RCVRN: variants seen among roughly 807,000 people sequenced by gnomAD.
RCVRN encodes cancer associated retinopathy antigen.
A neutral mutation model predicts 20.4 loss-of-function variants in RCVRN; 23 were observed. That is an observed-to-expected ratio of 1.13 (90% CI 0.81 to 1.60). RCVRN has a LOEUF of 1.60. Among genes scored for constraint, RCVRN ranks in the 40% most tolerant of loss-of-function variants. RCVRN has a pLI of 0.00. For synonymous variants in RCVRN, 105 were observed against 105.9 expected, an observed-to-expected ratio of 0.99 and a Z score of 0.05; for missense variants, 254 against 254.2, an observed-to-expected ratio of 1.00 and a Z score of 0.00.
In RCVRN at chr17:9,901,080, A is replaced by G. The variant is rs1597415192; in HGVS notation, c.402T>C (p.Thr134=). ...EIVMAIFKMI[T]PEDVKLLPDD... is the part of the protein sequence containing the mutation. ...CTGGAAGGAGCTTCACGTCCTCGGG[A>G]GTGATCATTTTGAAAATAGCCTGTA... Residue 134 remains threonine (T), a synonymous_variant, in exon 2 of 3, where the codon ACT becomes ACC. Coordinates refer to ENST00000226193, the MANE Select transcript of RCVRN (RefSeq NM_002903.3). 1 of 1,604,252 alleles carries G rather than the reference A, an allele frequency of 6.2e-7. No homozygotes were observed. The highest frequency in any genetic ancestry group is 8.5e-7 in the Non-Finnish European group (1 of 1,172,452).
At chr17:9,902,446 T>C (rs555228683) in intron 1 of RCVRN, among the ~76,000 whole-genome samples, 11 of 152,120 alleles carry the variant, frequency 7.2e-5, no homozygotes, top group Non-Finnish European at 1.6e-4. Context: ...ATCATGCAAA[T>C]GAAAGCATGA....
At chr17:9,902,737 C>T (rs7222261) in intron 1 of RCVRN, among the ~76,000 whole-genome samples, 17,385 of 152,204 alleles carry the variant, frequency 0.11, 1,982 homozygotes, top group African/African-American at 0.27. Flanking sequence ...GAAGCTCACG[C>T]CTGTAATCCC....
At chr17:9,900,557 C>G (rs1342296068) in intron 2 of RCVRN, among the ~76,000 whole-genome samples, 10 of 151,780 alleles carry the variant, frequency 6.6e-5, no homozygotes, top group Admixed American at 6.6e-4. Flanking sequence ...GCTTGGCAGT[C>G]TGATAGCTTT....
Position 9,905,133 on chromosome 17 carries a change from C to A in RCVRN, c.48G>T (p.Glu16Asp). The A allele has an allele frequency of 2.5e-6, 4 of 1,610,880 alleles. No individual in the cohort carries two copies. The highest frequency in any genetic ancestry group is 3.4e-6 in the Non-Finnish European group (4 of 1,178,824). The stretch of plus-strand genomic sequence containing the variant: ...CCGAGAACTTGGTGTTCAGCTGCAG[C>A]TCCTCCAGGATCTCCTTGGACAGGG... ...SGALSKEILE[E>D]LQLNTKFSEE... Residue 16 changes from glutamate to aspartate, a missense_variant, in exon 1 of 3, where the codon GAG (glutamate) becomes GAT (aspartate). Transcript: ENST00000226193.
Position 9,899,818 on chromosome 17 carries a change from C to T in RCVRN, c.493+1171G>A, listed in dbSNP as rs780772514. ...TCCTCCTACCCCAATGACCTTCATG[C>T]TTCTCTTATTTCATCATTTGTTGGC... On this transcript the variant is annotated intron_variant, in intron 2 of 2. Coordinates refer to ENST00000226193, the MANE Select transcript of RCVRN (RefSeq NM_002903.3). This position sits in a 1 kb window ranked among gnomAD's most constrained non-coding sequence, Gnocchi z 4.6. Among the ~76,000 whole-genome samples the T allele has an allele frequency of 3.9e-5, 6 of 152,164 alleles. No homozygotes were observed. Among genetic ancestry groups the T allele is most frequent in the Non-Finnish European group, 7.3e-5 (5 of 68,028 alleles).
chr17:9,904,890 C>G lies in RCVRN; in HGVS notation c.291G>C (p.Lys97Asn). The G allele has an allele frequency of 6.2e-7, 1 of 1,614,250 alleles. No individual in the cohort carries two copies. Among genetic ancestry groups the G allele is most frequent in the Non-Finnish European group, 8.5e-7 (1 of 1,180,044 alleles). ...VIALHMTTAG[K>N]TNQKLEWAFS... is the part of the protein sequence containing the mutation. ...AGGCCCACTCCAGCTTCTGGTTGGT[C>G]TTGCCCGCGGTGGTCATGTGCAGGG... Residue 97 changes from lysine to asparagine, a missense_variant, in exon 1 of 3, where the codon AAG becomes AAC. Physicochemically the swap from Lys to Asn is moderately conservative, Grantham distance 94. Coordinates refer to ENST00000226193, the MANE Select transcript of RCVRN (RefSeq NM_002903.3). The surrounding 1 kb of genome is among the most constrained non-coding windows in gnomAD (Gnocchi z 5.8).
chr17:9,903,475 C>G (rs116745160), intron 1 of RCVRN, among the ~76,000 whole-genome samples: 3 of 152,130 alleles, frequency 2.0e-5, no homozygotes, highest in Non-Finnish European at 2.9e-5. Flanking sequence ...ATCCGCCCCG[C>G]GCTGGGGAGA....
rs751720995 is a variant in RCVRN, at chr17:9,899,467, G to T, written c.494-1263C>A. On this transcript the variant is annotated intron_variant, in intron 2 of 2. Coordinates refer to ENST00000226193, the MANE Select transcript of RCVRN (RefSeq NM_002903.3). This position sits in a 1 kb window ranked among gnomAD's most constrained non-coding sequence, Gnocchi z 4.6. ...ACACGTCGACCTCGGGGCTTCTGAC[G>T]TCATCCCCTCCCGGGATGTTCACCA... is the stretch of plus-strand genomic sequence containing the variant. Among the ~76,000 whole-genome samples the T allele has an allele frequency of 2.0e-5, 3 of 152,224 alleles. No homozygotes were observed. The highest frequency in any genetic ancestry group is 4.4e-5 in the Non-Finnish European group (3 of 68,040).
chr17:9,904,950 G>A lies in RCVRN; in HGVS notation c.231C>T (p.Leu77=). ...ACTCCTTGAAGTCCAGGGTGCCGTCGAGGTTGGAATCGAAGCTGCGGAACA... is the reference window on the plus strand; with the variant it reads ...ACTCCTTGAAGTCCAGGGTGCCGTCAAGGTTGGAATCGAAGCTGCGGAACA... ...QHVFRSFDSN[L]DGTLDFKEYV... Residue 77 remains leucine, a synonymous_variant, in exon 1 of 3, where the codon CTC becomes CTT. Transcript: ENST00000226193. This position sits in a 1 kb window ranked among gnomAD's most constrained non-coding sequence, Gnocchi z 5.8. The A allele has an allele frequency of 2.5e-6, 4 of 1,614,218 alleles. No individual in the cohort carries two copies. Among genetic ancestry groups the A allele is most frequent in the Non-Finnish European group, 3.4e-6 (4 of 1,180,032 alleles).
chr17:9,900,976 A>T lies in RCVRN; in HGVS notation c.493+13T>A. ...GTTGAAAAATCAAAGGCAATGAAGG[A>T]AAAGGAATTCACCATCATCATTCTT... On this transcript the variant is annotated intron_variant, in intron 2 of 2. Transcript: ENST00000226193. The T allele has an allele frequency of 6.7e-7, 1 of 1,497,292 alleles. No homozygotes were observed. Among genetic ancestry groups the T allele is most frequent in the South Asian group, 1.2e-5 (1 of 86,044 alleles). The allele number at this position is 1,497,292 out of a possible 1,614,324, so 92.8% of individuals were successfully genotyped here.
At position 9,898,175 on chromosome 17, in the gene RCVRN, C is replaced by T. The variant is rs1028534043; in HGVS notation, c.523G>A (p.Gly175Arg). 1 of 1,613,320 alleles carries T rather than the reference C, an allele frequency of 6.2e-7. No homozygotes were observed. Among genetic ancestry groups the T allele is most frequent in the Non-Finnish European group, 8.5e-7 (1 of 1,179,308 alleles). ...AGAATTTCCTTATTGGCCAGTGTCC[C>T]CTCAATGAATTCTTTCTCTGTAAGT... ...DKLTEKEFIEGTLANKEILRL... is the reference protein window; with the variant it reads ...DKLTEKEFIERTLANKEILRL... Residue 175 changes from glycine (G) to arginine (R), a missense_variant, in exon 3 of 3, where the codon GGG becomes AGG. By Grantham distance (125) the Gly-to-Arg change is moderately radical. Transcript: ENST00000226193.
chr17:9,903,397 A>C (rs1384399346), intron 1 of RCVRN, among the ~76,000 whole-genome samples: 1 of 152,242 alleles, frequency 6.6e-6, no homozygotes, highest in Non-Finnish European at 1.5e-5. Flanking sequence ...TGCGCCTCAC[A>C]GGGAAACTGT....
In RCVRN at chr17:9,898,046, G is replaced by T. The variant is rs774389265; in HGVS notation, c.*49C>A. The T allele has an allele frequency of 3.3e-6, 4 of 1,216,906 alleles. No homozygotes were observed. Among genetic ancestry groups the T allele is most frequent in the Non-Finnish European group, 3.7e-6 (3 of 817,990 alleles). 75.4% of individuals were successfully genotyped at this position (1,216,906 alleles called of 1,614,324 possible). A position where few individuals can be genotyped will look rare whatever the true frequency, so the allele number is the denominator to read the frequency against. ...TGTGTGTGTGTGCACAGGCGCTCAC[G>T]GGTGTCATGTGAGTGGTAGGTGGAG... On this transcript the variant is annotated 3_prime_UTR_variant, in exon 3 of 3. Transcript: ENST00000226193.
chr17:9,903,433 G>T (rs548551891), intron 1 of RCVRN, among the ~76,000 whole-genome samples: 2 of 152,370 alleles, frequency 1.3e-5, no homozygotes, highest in African/African-American at 4.8e-5. Context: ...CACGCCGCGC[G>T]TGGGAAGCGG....
rs1226094040 is a variant in RCVRN, at chr17:9,896,332, G to A, written c.*1763C>T. ...GTCTAGCATGGTGCACGGTTCATAA[G>A]TGTTTATTCTCACGTTTGCTCTCCA... On this transcript the variant is annotated 3_prime_UTR_variant, in exon 3 of 3. Coordinates refer to ENST00000226193, the MANE Select transcript of RCVRN (RefSeq NM_002903.3). The A allele has an allele frequency of 6.6e-6, 1 of 152,220 alleles. No individual in the cohort carries two copies. Among genetic ancestry groups the A allele is most frequent in the Non-Finnish European group, 1.5e-5 (1 of 68,050 alleles). The allele number at this position is 152,220 out of a possible 1,614,324, so 9.4% of individuals were successfully genotyped here. A position where few individuals can be genotyped will look rare whatever the true frequency, so the allele number is the denominator to read the frequency against.
intron 2 of RCVRN, among the ~76,000 whole-genome samples, chr17:9,900,208 A>G (rs369423792): frequency 3.3e-5 from 5 of 152,048 alleles, no homozygotes; most frequent in East Asian, 3.9e-4. Context: ...CTCCAGCCAT[A>G]TGTGTTTGCA....
At position 9,904,662 on chromosome 17, in the gene RCVRN, A is replaced by C. The variant is rs1597416340; in HGVS notation, c.381+138T>G. On this transcript the variant is annotated intron_variant, in intron 1 of 2. Transcript: ENST00000226193. The surrounding 1 kb of genome is among the most constrained non-coding windows in gnomAD (Gnocchi z 5.8). ...TCTATCAATATCAGCATCTCGGAGC[A>C]CCACGCTCTCAGAGCCAGTGGCCCG... 2.1e-6 allele frequency: 2 copies of C among 958,048 alleles called. No homozygotes were observed. Among genetic ancestry groups the C allele is most frequent in the Admixed American group, 2.5e-5 (1 of 40,568 alleles). The allele number at this position is 958,048 out of a possible 1,614,324, so 59.3% of individuals were successfully genotyped here.
chr17:9,901,757 C>T (rs1406980228), intron 1 of RCVRN, among the ~76,000 whole-genome samples: 4 of 152,362 alleles, frequency 2.6e-5, no homozygotes, highest in African/African-American at 7.2e-5. Context: ...ACTTCCAACA[C>T]GGAGGGACAG....
chr17:9,905,110 G>A lies in RCVRN; in HGVS notation c.71C>T (p.Ser24Leu), dbSNP rs993119727. The change falls in exon 1 of 3, where the codon TCG (serine) becomes TTG (leucine). Residue 24 changes from serine (S) to leucine (L), a missense_variant. Transcript: ENST00000226193. The part of the protein sequence containing the change: ...LEELQLNTKF[S>L]EEELCSWYQS... ...GTACCAGGAGCACAGCTCCTCCTCC[G>A]AGAACTTGGTGTTCAGCTGCAGCTC... 6.1e-5 allele frequency: 99 copies of A among 1,609,902 alleles called. No individual in the cohort carries two copies. The highest frequency in any genetic ancestry group is 8.1e-5 in the Non-Finnish European group (96 of 1,178,288).
Sources: allele counts gnomAD v4.1 joint callset (sites outside exome capture counted in the v4.1 genomes callset), GRCh38; gene constraint gnomAD v4.1.1; non-coding constraint Gnocchi (gnomAD v3.1); transcripts MANE v1.5; gene names NCBI Gene and HGNC (gene_info 2026-07-23, HGNC 2026-07-21).